The following KCNJ16 variants were observed in gnomAD, a reference collection of about 807,000 sequenced individuals.
KCNJ16 encodes potassium inwardly rectifying channel subfamily J member 16, also known as inward rectifier potassium channel 16.
In KCNJ16, 15 loss-of-function variants were observed where a neutral mutation model predicts 18.5. The observed-to-expected ratio is 0.81, with a 90% CI of 0.54 to 1.25. The LOEUF (loss-of-function observed/expected upper bound fraction) is 1.25, where lower values mean the gene tolerates loss of function less well. KCNJ16 is among the 50% of genes most tolerant of loss of function. The pLI is 0.00. For synonymous variants in KCNJ16, 174 were observed against 186.5 expected (o/e 0.93, Z 0.55); for missense variants, 523 against 525.7 (o/e 0.99, Z 0.05).
chr17:70,105,141 C>G (rs1281816034), intron 2 of KCNJ16: 1 of 152,202 alleles, frequency 6.6e-6, no homozygotes, highest in African/African-American at 2.4e-5. Context: ...CTCTTTTAAG[C>G]TCATCCTTTT....
chr17:70,110,706 T>C (rs893753600), intron 2 of KCNJ16, among the ~76,000 whole-genome samples: 3 of 152,194 alleles, frequency 2.0e-5, no homozygotes, highest in Non-Finnish European at 2.9e-5. Context: ...TTAAAACACT[T>C]TGGCTTCATT....
intron 2 of KCNJ16, among the ~76,000 whole-genome samples, chr17:70,114,021 C>T (rs968476798): frequency 8.6e-5 from 13 of 151,980 alleles, no homozygotes; most frequent in African/African-American, 3.1e-4. Flanking sequence ...TCTCAAGATG[C>T]TATCTATCTG....
At chr17:70,122,633 A>G (rs1181293327) in intron 2 of KCNJ16, among the ~76,000 whole-genome samples, 1 of 152,242 alleles carries the variant, frequency 6.6e-6, no homozygotes, top group African/African-American at 2.4e-5. Context: ...ATAAGAAGAT[A>G]CAATCTGATT....
chr17:70,080,447 G>C lies in KCNJ16; in HGVS notation c.-300+5057G>C, dbSNP rs182468770. On this transcript the variant is annotated intron_variant, in intron 1 of 3. Coordinates refer to ENST00000392671, the MANE Select transcript of KCNJ16 (RefSeq NM_170741.4). ...ACAATAAATATATTTTTATATTTAA[G>C]ACTAAAAGAAAAACTATCATAAGAC... 2.0e-5 allele frequency among the ~76,000 whole-genome samples: 3 copies of C among 152,132 alleles called. No individual in the cohort carries two copies. The East Asian group carries it at 5.8e-4, about 29-fold the overall frequency.
At chr17:70,105,066 T>C (rs1242518162) in intron 2 of KCNJ16, 5 of 152,572 alleles carry the variant, frequency 3.3e-5, no homozygotes, top group African/African-American at 1.2e-4. Context: ...CTTCATCATC[T>C]TTCACTAAGG....
intron 2 of KCNJ16, among the ~76,000 whole-genome samples, 186 bp from the exon 3 acceptor site, chr17:70,130,693 A>AT (rs1381311819): frequency 6.6e-6 from 1 of 152,154 alleles, no homozygotes; most frequent in African/African-American, 2.4e-5. Context: ...AGGGGTCTTT[A>AT]TGTCAGGAAT....
At chr17:70,123,841 T>C (rs75360816) in intron 2 of KCNJ16, among the ~76,000 whole-genome samples, 1 of 152,286 alleles carries the variant, frequency 6.6e-6, no homozygotes, top group East Asian at 1.9e-4. Flanking sequence ...ATACTTACAT[T>C]TCAGGTTTAG....
intron 2 of KCNJ16, among the ~76,000 whole-genome samples, chr17:70,118,606 A>T (rs547312513): frequency 3.3e-5 from 5 of 152,172 alleles, no homozygotes; most frequent in Admixed American, 6.5e-5. Context: ...GGAGCAAGTG[A>T]GAGAGAGAAT....
chr17:70,098,636 C>T (rs892114401), intron 1 of KCNJ16, among the ~76,000 whole-genome samples: 3 of 151,418 alleles, frequency 2.0e-5, no homozygotes, highest in Admixed American at 6.6e-5. Flanking sequence ...CACTGATATA[C>T]GGGCTTTCCC....
chr17:70,086,651 G>A (rs2071810062), intron 1 of KCNJ16, among the ~76,000 whole-genome samples: 1 of 152,086 alleles, frequency 6.6e-6, no homozygotes, highest in African/African-American at 2.4e-5. Context: ...GAAACGATTA[G>A]TACATTCATG....
At chr17:70,123,275 T>C (rs1009401629) in intron 2 of KCNJ16, among the ~76,000 whole-genome samples, 4 of 151,070 alleles carry the variant, frequency 2.6e-5, no homozygotes, top group Admixed American at 2.0e-4. Flanking sequence ...ATTGAAAAGA[T>C]AACAGTTTAG....
chr17:70,089,751 A>G (rs1177044188), intron 1 of KCNJ16, among the ~76,000 whole-genome samples: 1 of 152,250 alleles, frequency 6.6e-6, no homozygotes, highest in Non-Finnish European at 1.5e-5. Flanking sequence ...TATCAAATTT[A>G]TATGTACATA....
chr17:70,091,206 C>T (rs571625383), intron 1 of KCNJ16, among the ~76,000 whole-genome samples: 13 of 152,286 alleles, frequency 8.5e-5, no homozygotes. Flanking sequence ...ATGCTGTCTA[C>T]TTCCTCTCCT....
chr17:70,092,608 T>TAGAC (rs772636805), intron 1 of KCNJ16, among the ~76,000 whole-genome samples: 1 of 151,058 alleles, frequency 6.6e-6, no homozygotes. Context: ...GATAGATAGA[T>TAGAC]AGATGAGATT....
intron 1 of KCNJ16, among the ~76,000 whole-genome samples, chr17:70,080,404 G>A (rs2071502769): frequency 6.6e-6 from 1 of 151,912 alleles, no homozygotes; most frequent in African/African-American, 2.4e-5. Context: ...TCATAATGCA[G>A]GTATGACTAT....
chr17:70,118,821 A>G (rs2073519640), intron 2 of KCNJ16, among the ~76,000 whole-genome samples: 1 of 152,074 alleles, frequency 6.6e-6, no homozygotes, highest in South Asian at 2.1e-4. Context: ...TCTGCCCTGG[A>G]CCACCCCAAA....
At chr17:70,099,459 A>G (rs939716744) in intron 1 of KCNJ16, among the ~76,000 whole-genome samples, 1 of 152,100 alleles carries the variant, frequency 6.6e-6, no homozygotes, top group Non-Finnish European at 1.5e-5. Flanking sequence ...AGTTTAAGGA[A>G]GGACTTCCTC....
At chr17:70,102,043 T>C (rs898670250) in intron 2 of KCNJ16, 3 of 152,108 alleles carry the variant, frequency 2.0e-5, no homozygotes, top group Non-Finnish European at 4.4e-5. Flanking sequence ...AAAGAGTTGA[T>C]TGAATTATTC....
At chr17:70,120,732 T>C (rs1301193004) in intron 2 of KCNJ16, among the ~76,000 whole-genome samples, 1 of 152,088 alleles carries the variant, frequency 6.6e-6, no homozygotes, top group East Asian at 1.9e-4. Flanking sequence ...CACCAAGCCA[T>C]GAGAGATCTG....
Sources: gnomAD v4.1 joint callset for allele counts (sites outside exome capture counted in the v4.1 genomes callset) on GRCh38, gnomAD v4.1.1 for gene constraint, MANE v1.5 for transcripts, NCBI Gene and HGNC (gene_info 2026-07-23, HGNC 2026-07-21) for gene names.